The following IPO11 variants were observed in gnomAD, a reference collection of about 807,000 sequenced individuals.
IPO11 encodes the protein importin-11.
In IPO11, 66 loss-of-function variants were observed where a neutral mutation model predicts 143.2. The observed-to-expected ratio is 0.46, with a 90% confidence interval of 0.38 to 0.57. The LOEUF (loss-of-function observed/expected upper bound fraction) is 0.57, where lower values mean the gene tolerates loss of function less well. Ranked by LOEUF, IPO11 falls within the 20% of genes least tolerant of loss-of-function variation. The pLI is 0.00. For synonymous variants in IPO11, 385 were observed against 377.8 expected, an observed-to-expected ratio of 1.02 and a Z score of -0.22; for missense variants, 1,026 against 1,141.0, an observed-to-expected ratio of 0.90 and a Z score of 1.45.
intron 24 of IPO11, among the ~76,000 whole-genome samples, chr5:62,542,542 A>G (rs1742996492): frequency 6.6e-6 from 1 of 152,112 alleles, no homozygotes; most frequent in Admixed American, 6.6e-5. Flanking sequence ...AACATTTTAA[A>G]TATATTTTTT....
At chr5:62,549,452 C>G (rs1280495456) in intron 24 of IPO11, among the ~76,000 whole-genome samples, 1 of 152,136 alleles carries the variant, frequency 6.6e-6, no homozygotes, top group Non-Finnish European at 1.5e-5. Flanking sequence ...AAATCTCCCT[C>G]CATGCATGGG....
intron 27 of IPO11, among the ~76,000 whole-genome samples, chr5:62,565,851 C>G (rs1194078774): frequency 1.3e-5 from 2 of 148,374 alleles, no homozygotes; most frequent in Non-Finnish European, 3.0e-5. Context: ...CATTGTTCAA[C>G]TCCCACTTAT....
intron 25 of IPO11, among the ~76,000 whole-genome samples, chr5:62,551,019 G>GTATA (rs373267363): frequency 0.058 from 8,408 of 144,174 alleles, 284 homozygotes; most frequent in African/African-American, 0.084. Flanking sequence ...TCTCTTTATT[G>GTATA]TATATATATA....
intron 26 of IPO11, among the ~76,000 whole-genome samples, chr5:62,553,120 A>T (rs758311203): frequency 2.0e-5 from 3 of 151,698 alleles, no homozygotes; most frequent in Non-Finnish European, 2.9e-5. Context: ...CTTTCCCCTT[A>T]CCTTTCCCAG....
intron 29 of IPO11, among the ~76,000 whole-genome samples, chr5:62,623,463 C>T (rs1459767121): frequency 6.6e-6 from 1 of 152,080 alleles, no homozygotes; most frequent in Non-Finnish European, 1.5e-5. Context: ...TGATCCAGAT[C>T]CCAAGAGAGG....
In IPO11 at chr5:62,435,102, A is replaced by ATATATGTATATATATG. The variant is rs1561308767; in HGVS notation, c.-6-2167_-6-2166insGTATATATATGTATAT. Among the ~76,000 whole-genome samples the ATATATGTATATATATG allele has an allele frequency of 2.2e-4, 15 of 67,182 alleles. 1 individual carries two copies. The highest frequency in any genetic ancestry group is 9.6e-4 in the East Asian group (2 of 2,092). 44.1% of individuals were successfully genotyped at this position (67,182 alleles called of 152,430 possible). On this transcript the variant is annotated intron_variant, in intron 1 of 29. Transcript: ENST00000325324. ...TATATGTGTATATATGTATATATGT[A>ATATATGTATATATATG]TATATATGTATATATGTATATATGT...
intron 1 of IPO11, among the ~76,000 whole-genome samples, chr5:62,430,912 A>T (rs1321929237): frequency 1.3e-5 from 2 of 151,926 alleles, no homozygotes; most frequent in Non-Finnish European, 2.9e-5. Context: ...TCCTGACCTC[A>T]GGTGATCCTC....
chr5:62,467,429 TC>T (rs765787002), intron 6 of IPO11, among the ~76,000 whole-genome samples, 166 bp downstream of exon 6: 29 of 149,042 alleles, frequency 1.9e-4, no homozygotes, highest in Non-Finnish European at 4.0e-4. Context: ...CAGTAGCTCT[TC>T]CTCTACCCCT....
chr5:62,478,909 G>A lies in IPO11; in HGVS notation c.828+2156G>A, dbSNP rs549090476. ...ATTGTATGACGTGCACACATGCAAT[G>A]TGACACACAATGTCTGGTTGTCTCT... On this transcript the variant is annotated intron_variant, in intron 9 of 29. Coordinates refer to ENST00000325324, the MANE Select transcript of IPO11 (RefSeq NM_016338.5). Among the ~76,000 whole-genome samples the A allele has an allele frequency of 1.1e-4, 17 of 152,250 alleles. No homozygotes were observed. In the South Asian group the frequency reaches 3.5e-3, roughly 32 times the overall value.
intron 1 of IPO11, among the ~76,000 whole-genome samples, chr5:62,420,363 C>G (rs538746556): frequency 6.6e-6 from 1 of 151,360 alleles, no homozygotes; most frequent in South Asian, 2.1e-4. Flanking sequence ...TTATCACTTT[C>G]AAGTGTTATG....
chr5:62,514,553 C>A (rs1741928926), intron 19 of IPO11, among the ~76,000 whole-genome samples: 1 of 146,748 alleles, frequency 6.8e-6, no homozygotes, highest in Non-Finnish European at 1.5e-5. Context: ...TACAGTCCAG[C>A]TTTGGCCCGG....
Position 62,598,387 on chromosome 5 carries a change from G to GCTTT in IPO11, c.2679-3374_2679-3373insTCTT, listed in dbSNP as rs1561380373. Among the ~76,000 whole-genome samples the GCTTT allele has an allele frequency of 5.0e-3, 180 of 36,222 alleles. 21 individuals are homozygous for GCTTT. Among genetic ancestry groups the GCTTT allele is most frequent in the Non-Finnish European group, 5.7e-3 (127 of 22,310 alleles). 23.8% of individuals were successfully genotyped at this position (36,222 alleles called of 152,430 possible). ...CGACCCATAAATTGTTTGCTTGCTT[G>GCTTT]CTTGCTTTCTTTCTTTCTTTCTTTC... On this transcript the variant is annotated intron_variant, in intron 28 of 29. Transcript: ENST00000325324.
At chr5:62,461,462 A>G (rs1436588220) in intron 5 of IPO11, among the ~76,000 whole-genome samples, 1 of 152,230 alleles carries the variant, frequency 6.6e-6, no homozygotes. Context: ...CAAAAGTAGA[A>G]GCCTAGTTAG....
intron 29 of IPO11, among the ~76,000 whole-genome samples, chr5:62,621,416 AG>A (rs1221181796): frequency 6.6e-6 from 1 of 152,226 alleles, no homozygotes; most frequent in Non-Finnish European, 1.5e-5. Context: ...GTTACCACAC[AG>A]GAACAGGAGA....
chr5:62,430,343 A>G (rs1743935984), intron 1 of IPO11, among the ~76,000 whole-genome samples: 1 of 152,144 alleles, frequency 6.6e-6, no homozygotes, highest in Non-Finnish European at 1.5e-5. Context: ...ATCTTCTTTT[A>G]AAAAGCTGGA....
At chr5:62,618,826 C>G (rs1319421946) in intron 29 of IPO11, among the ~76,000 whole-genome samples, 1 of 152,078 alleles carries the variant, frequency 6.6e-6, no homozygotes. Context: ...TAAATTGCCT[C>G]CTTCCCCCCA....
rs998508501 is a variant in IPO11 at position 62,490,585 on chromosome 5, T to C, written c.1463+365T>C. On this transcript the variant is annotated intron_variant, in intron 15 of 29. Coordinates refer to ENST00000325324, the MANE Select transcript of IPO11 (RefSeq NM_016338.5). ...TGTCTTGGGATCACATAATGCATAC[T>C]GCAAGTCTCTGGGGAGACGGTAGAG... Among the ~76,000 whole-genome samples the C allele has an allele frequency of 4.7e-4, 71 of 152,162 alleles. 1 individual carries two copies. The highest frequency in any genetic ancestry group is 9.3e-4 in the Non-Finnish European group (63 of 68,036).
At chr5:62,591,440 A>G in intron 27 of IPO11, 137 bp from the exon 28 acceptor site, 1 of 590,630 alleles carries the variant, frequency 1.7e-6, no homozygotes. Context: ...TTGTTATAAG[A>G]AATAGATTTT....
intron 27 of IPO11, chr5:62,578,664 T>G (rs1233144129): frequency 8.6e-6 from 4 of 466,766 alleles, no homozygotes; most frequent in Admixed American, 7.2e-5. Flanking sequence ...CGTTCAGCAA[T>G]ACTTTTGAAA....
Sources: allele counts gnomAD v4.1 joint callset (sites outside exome capture counted in the v4.1 genomes callset), GRCh38; gene constraint gnomAD v4.1.1; transcripts MANE v1.5; gene names NCBI Gene and HGNC (gene_info 2026-07-23, HGNC 2026-07-21).